ENOX1: variants seen among roughly 807,000 people sequenced by gnomAD.
The protein encoded by ENOX1 is ecto-NOX disulfide-thiol exchanger 1.
In ENOX1, 42 loss-of-function variants were observed where a neutral mutation model predicts 82.5. The observed-to-expected ratio is 0.51, with a 90% CI of 0.40 to 0.66. The LOEUF (loss-of-function observed/expected upper bound fraction) is 0.66. ENOX1 is among the 30% of genes least tolerant of loss of function. The probability of loss-of-function intolerance (pLI) is 0.00; values close to 1 mark genes in which losing one functional copy is unlikely to be tolerated. For missense variants in ENOX1, 608 were observed against 811.6 expected (o/e 0.75, Z 3.05); for synonymous variants, 271 against 282.2 (o/e 0.96, Z 0.40).
chr13:43,785,411 C>T (rs956617164), intron 1 of ENOX1, among the ~76,000 whole-genome samples: 4 of 152,164 alleles, frequency 2.6e-5, no homozygotes, highest in Non-Finnish European at 5.9e-5. Context: ...TCATTGCTTT[C>T]TCCAAACTAC....
intron 2 of ENOX1, among the ~76,000 whole-genome samples, chr13:43,633,189 G>T (rs1414799412): frequency 1.3e-5 from 2 of 151,988 alleles, no homozygotes; most frequent in Admixed American, 1.3e-4. Flanking sequence ...ACTAACCATG[G>T]AATTATAAAT....
At chr13:43,520,270 A>G (rs1210979791) in intron 2 of ENOX1, among the ~76,000 whole-genome samples, 2 of 152,080 alleles carry the variant, frequency 1.3e-5, no homozygotes, top group African/African-American at 4.8e-5. Context: ...CAAGCCCTTG[A>G]GCCCCTTCCC....
chr13:43,577,167 A>C (rs1403141628), intron 2 of ENOX1, among the ~76,000 whole-genome samples: 1 of 151,688 alleles, frequency 6.6e-6, no homozygotes, highest in Non-Finnish European at 1.5e-5. Context: ...AGTCTCGCTC[A>C]GTCGCCCAGG....
At chr13:43,779,324 G>GCCAC (rs1952108400) in intron 1 of ENOX1, among the ~76,000 whole-genome samples, 1 of 152,148 alleles carries the variant, frequency 6.6e-6, no homozygotes, top group Admixed American at 6.5e-5. Context: ...AAGGGAGACA[G>GCCAC]CCACTTTTAA....
At chr13:43,232,668 G>A (rs1336128952) in intron 15 of ENOX1, among the ~76,000 whole-genome samples, 2 of 152,210 alleles carry the variant, frequency 1.3e-5, no homozygotes, top group Non-Finnish European at 2.9e-5. Context: ...CTCAGGATAT[G>A]TAAGAAAGTT....
At chr13:43,673,129 G>A (rs556099318) in intron 1 of ENOX1, among the ~76,000 whole-genome samples, 2 of 151,414 alleles carry the variant, frequency 1.3e-5, no homozygotes, top group South Asian at 4.2e-4. Flanking sequence ...AAAAAAAGCA[G>A]GTTTTTAAAA....
chr13:43,349,333 C>A (rs1323721560), intron 8 of ENOX1, among the ~76,000 whole-genome samples: 4 of 152,136 alleles, frequency 2.6e-5, no homozygotes, highest in African/African-American at 9.7e-5. Flanking sequence ...AACAGTTTAT[C>A]AAATAACTCA....
intron 3 of ENOX1, among the ~76,000 whole-genome samples, chr13:43,478,340 G>A (rs1473775890): frequency 6.6e-6 from 1 of 151,872 alleles, no homozygotes. Context: ...AACTAGTAGA[G>A]GAACGTGTTC....
At chr13:43,343,984 C>A (rs1396616363) in intron 9 of ENOX1, among the ~76,000 whole-genome samples, 1 of 152,090 alleles carries the variant, frequency 6.6e-6, no homozygotes, top group Non-Finnish European at 1.5e-5. Context: ...AAATCACTGG[C>A]ATTGAGTAGT....
At chr13:43,568,168 C>T (rs574135547) in intron 2 of ENOX1, among the ~76,000 whole-genome samples, 34 of 152,280 alleles carry the variant, frequency 2.2e-4, no homozygotes, top group South Asian at 1.0e-3. Context: ...TTGAGTTACA[C>T]AGGATAGTAT....
chr13:43,629,367 G>A (rs568839418), intron 2 of ENOX1, among the ~76,000 whole-genome samples: 13 of 152,282 alleles, frequency 8.5e-5, no homozygotes, highest in African/African-American at 3.1e-4. Flanking sequence ...GGTATTCCCA[G>A]CTTGCTAGCT....
At chr13:43,540,751 G>A (rs1006705357) in intron 2 of ENOX1, among the ~76,000 whole-genome samples, 1 of 152,184 alleles carries the variant, frequency 6.6e-6, no homozygotes, top group African/African-American at 2.4e-5. Context: ...TATTCAGTCA[G>A]CTGTGGCCAA....
intron 2 of ENOX1, among the ~76,000 whole-genome samples, chr13:43,593,757 C>T (rs1160900055): frequency 6.8e-6 from 1 of 146,666 alleles, no homozygotes; most frequent in African/African-American, 2.5e-5. Context: ...ATCAGGCTTT[C>T]TTCTGGGGAA....
At chr13:43,629,270 G>A (rs1018766039) in intron 2 of ENOX1, among the ~76,000 whole-genome samples, 1 of 152,192 alleles carries the variant, frequency 6.6e-6, no homozygotes, top group African/African-American at 2.4e-5. Flanking sequence ...GTGTCTAAAA[G>A]TGTTCTGTCT....
At chr13:43,320,155 C>T (rs574427537) in intron 11 of ENOX1, among the ~76,000 whole-genome samples, 4 of 152,298 alleles carry the variant, frequency 2.6e-5, no homozygotes, top group South Asian at 4.1e-4. Context: ...TTCAGGGCCC[C>T]GTGGAATAAA....
intron 13 of ENOX1, among the ~76,000 whole-genome samples, chr13:43,266,984 T>C (rs959484499): frequency 2.0e-5 from 3 of 152,180 alleles, no homozygotes; most frequent in Admixed American, 6.5e-5. Context: ...ACTCCATTCT[T>C]CCCATTCCAT....
intron 11 of ENOX1, among the ~76,000 whole-genome samples, chr13:43,312,076 A>T (rs2047234166): frequency 6.6e-6 from 1 of 152,250 alleles, no homozygotes; most frequent in Non-Finnish European, 1.5e-5. Flanking sequence ...ATCACAAAAA[A>T]ATCACAAGTA....
chr13:43,302,592 G>A (rs1006874667), intron 11 of ENOX1, among the ~76,000 whole-genome samples: 1 of 152,156 alleles, frequency 6.6e-6, no homozygotes, highest in Non-Finnish European at 1.5e-5. Context: ...TGACACTAAT[G>A]TATGAAAATC....
intron 12 of ENOX1, among the ~76,000 whole-genome samples, chr13:43,280,156 G>A (rs1260260041): frequency 6.6e-6 from 1 of 152,198 alleles, no homozygotes; most frequent in Non-Finnish European, 1.5e-5. Flanking sequence ...AGCCAGGTTG[G>A]CCCATTTACT....
Sources: gnomAD v4.1 joint callset for allele counts (sites outside exome capture counted in the v4.1 genomes callset) on GRCh38, gnomAD v4.1.1 for gene constraint, MANE v1.5 for transcripts, NCBI Gene and HGNC (gene_info 2026-07-23, HGNC 2026-07-21) for gene names.